The following RBFOX1 variants were observed in gnomAD, a reference collection of about 807,000 sequenced individuals.
RBFOX1 encodes the protein RNA binding protein fox-1 homolog 1.
RBFOX1 carries 8 observed loss-of-function variants against 57.7 expected under a neutral mutation model. That is an observed-to-expected ratio of 0.14 (90% CI 0.08 to 0.25). The LOEUF is 0.25. RBFOX1 is among the 10% of genes least tolerant of loss of function. RBFOX1 has a pLI of 1.00. For synonymous variants in RBFOX1, 326 were observed against 222.4 expected, an observed-to-expected ratio of 1.47 and a Z score of -4.15; for missense variants, 611 against 548.5, an observed-to-expected ratio of 1.11 and a Z score of -1.14.
chr16:6,746,454 A>G (rs930600502), intron 3 of RBFOX1, among the ~76,000 whole-genome samples: 2 of 152,138 alleles, frequency 1.3e-5, no homozygotes, highest in South Asian at 4.1e-4. Flanking sequence ...AGACAGTTGG[A>G]TCACTTGAGC....
intron 1 of RBFOX1, among the ~76,000 whole-genome samples, chr16:5,454,989 TTCTTTCTTTC>T (rs1459978624): frequency 9.6e-6 from 1 of 104,598 alleles, no homozygotes; most frequent in Non-Finnish European, 2.0e-5. Context: ...CTTTCTTTCT[TTCTTTCTTTC>T]TTTCTTTCTT....
chr16:5,370,154 C>G (rs999127218), intron 1 of RBFOX1, among the ~76,000 whole-genome samples: 8 of 152,134 alleles, frequency 5.3e-5, no homozygotes, highest in African/African-American at 1.9e-4. Context: ...TTTGGAGTTG[C>G]AAAGCTCACT....
intron 9 of RBFOX1, among the ~76,000 whole-genome samples, chr16:7,605,332 A>G (rs139761481): frequency 1.3e-5 from 2 of 152,284 alleles, no homozygotes; most frequent in African/African-American, 2.4e-5. Context: ...TCAGTATGAA[A>G]TTTCAGAAAC....
intron 4 of RBFOX1, among the ~76,000 whole-genome samples, chr16:7,107,491 G>T (rs1307241220): frequency 6.6e-6 from 1 of 152,058 alleles, no homozygotes; most frequent in Non-Finnish European, 1.5e-5. Flanking sequence ...ATTGAGGAAG[G>T]ATTAACTGTA....
chr16:5,952,332 G>A lies in RBFOX1; in HGVS notation c.351+84997G>A, dbSNP rs191230087. ...CACCTGGTTAATCTTTGTATTTTTC[G>A]TAGAGATGGGGTTTCACCATGTTGA... On this transcript the variant is annotated intron_variant, in intron 4 of 19. Transcript: ENST00000641259. Among the ~76,000 whole-genome samples, 1,100 of 151,844 alleles carry A rather than the reference G, an allele frequency of 7.2e-3. 10 individuals carry two copies. Among genetic ancestry groups the A allele is most frequent in the African/African-American group, 0.025 (1,016 of 41,370 alleles).
chr16:5,524,584 A>C (rs2044163075), intron 2 of RBFOX1, among the ~76,000 whole-genome samples: 1 of 148,668 alleles, frequency 6.7e-6, no homozygotes, highest in East Asian at 2.0e-4. Flanking sequence ...TCTGTCGCCC[A>C]GGCTGGAGTG....
At chr16:6,185,189 C>G (rs778923930) in intron 1 of RBFOX1, among the ~76,000 whole-genome samples, 1 of 152,138 alleles carries the variant, frequency 6.6e-6, no homozygotes, top group Non-Finnish European at 1.5e-5. Context: ...CTAATATATT[C>G]AACATTTAAA....
intron 1 of RBFOX1, among the ~76,000 whole-genome samples, chr16:5,354,951 T>C (rs1390272885): frequency 6.6e-6 from 1 of 151,984 alleles, no homozygotes; most frequent in African/African-American, 2.4e-5. Flanking sequence ...AAGGGTCCCG[T>C]GGCTTGGTTT....
chr16:6,729,786 T>A (rs576890632), intron 3 of RBFOX1, among the ~76,000 whole-genome samples: 104 of 152,306 alleles, frequency 6.8e-4, no homozygotes, highest in African/African-American at 2.5e-3. Flanking sequence ...AAGTTGAGTT[T>A]GTTTCTAGCA....
At chr16:7,447,990 G>A (rs1374160640) in intron 4 of RBFOX1, among the ~76,000 whole-genome samples, 1 of 152,102 alleles carries the variant, frequency 6.6e-6, no homozygotes, top group East Asian at 1.9e-4. Flanking sequence ...TGGGATGTAG[G>A]GATTTCCACT....
intron 3 of RBFOX1, among the ~76,000 whole-genome samples, chr16:6,965,622 C>G (rs1375009630): frequency 6.6e-6 from 1 of 152,200 alleles, no homozygotes; most frequent in African/African-American, 2.4e-5. Flanking sequence ...CAGGCATGAG[C>G]CACTGCGCCT....
chr16:6,017,885 G>A (rs1446738898), upstream of RBFOX1, among the ~76,000 whole-genome samples: 1 of 152,164 alleles, frequency 6.6e-6, no homozygotes, highest in Non-Finnish European at 1.5e-5. Flanking sequence ...TTTCTTATAA[G>A]AGGATCCATG....
chr16:6,795,079 A>G (rs1179196145), intron 3 of RBFOX1, among the ~76,000 whole-genome samples: 2 of 152,164 alleles, frequency 1.3e-5, no homozygotes, highest in Non-Finnish European at 2.9e-5. Context: ...TGTCACTTTA[A>G]AAAAATGAGT....
At chr16:5,868,111 C>A (rs892653686) in intron 4 of RBFOX1, among the ~76,000 whole-genome samples, 2 of 152,178 alleles carry the variant, frequency 1.3e-5, no homozygotes, top group African/African-American at 2.4e-5. Flanking sequence ...TCAGAAGTCA[C>A]CAGCAAGGTG....
At chr16:5,593,703 T>C (rs1340567339) in intron 2 of RBFOX1, among the ~76,000 whole-genome samples, 3 of 152,314 alleles carry the variant, frequency 2.0e-5, no homozygotes, top group East Asian at 3.9e-4. Flanking sequence ...TCCCTTGTTT[T>C]GCGTATCAAG....
At chr16:5,383,123 AC>A (rs2066170351) in intron 1 of RBFOX1, among the ~76,000 whole-genome samples, 1 of 152,158 alleles carries the variant, frequency 6.6e-6, no homozygotes, top group African/African-American at 2.4e-5. Context: ...GCCTAATTTC[AC>A]ACTCCAACTG....
chr16:7,565,081 C>A (rs373101505), intron 5 of RBFOX1, among the ~76,000 whole-genome samples: 2 of 152,104 alleles, frequency 1.3e-5, no homozygotes, highest in Non-Finnish European at 2.9e-5. Flanking sequence ...AGGATCTGCA[C>A]GAGCCCCGTT....
intron 10 of RBFOX1, among the ~76,000 whole-genome samples, chr16:7,610,591 G>A (rs1289281410): frequency 2.0e-5 from 3 of 152,234 alleles, no homozygotes; most frequent in East Asian, 1.9e-4. Context: ...CGGATTATCC[G>A]GAAAATCCAC....
At chr16:6,610,621 C>T (rs2098032610) in intron 2 of RBFOX1, among the ~76,000 whole-genome samples, 1 of 152,188 alleles carries the variant, frequency 6.6e-6, no homozygotes. Flanking sequence ...TAAACTACTA[C>T]ACCCCACCCG....
Sources: allele counts gnomAD v4.1 joint callset (sites outside exome capture counted in the v4.1 genomes callset), GRCh38; gene constraint gnomAD v4.1.1; transcripts MANE v1.5; gene names NCBI Gene and HGNC (gene_info 2026-07-23, HGNC 2026-07-21).